ANKMY1: variants seen among roughly 807,000 people sequenced by gnomAD.
ANKMY1 encodes the protein ankyrin repeat and MYND domain containing 1.
In ANKMY1, 98 loss-of-function variants were observed where a neutral mutation model predicts 102.0. That is an observed-to-expected ratio of 0.96 (90% CI 0.82 to 1.14). The LOEUF (loss-of-function observed/expected upper bound fraction) is 1.14, where lower values mean the gene tolerates loss of function less well. Ranked by LOEUF, ANKMY1 falls within the 50% of genes most tolerant of loss-of-function variation. ANKMY1 has a pLI of 0.00. For missense variants in ANKMY1, 1,330 were observed against 1,347.6 expected (o/e 0.99, Z 0.20); for synonymous variants, 582 against 559.9 (o/e 1.04, Z -0.56).
intron 13 of ANKMY1, among the ~76,000 whole-genome samples, chr2:240,502,373 C>G (rs1368492448): frequency 1.3e-5 from 2 of 151,978 alleles, no homozygotes; most frequent in African/African-American, 4.8e-5. Context: ...CCCCTCTGGC[C>G]CAACATCTCA....
chr2:240,475,042 C>T (rs1477089030), downstream of ANKMY1, among the ~76,000 whole-genome samples: 1 of 152,232 alleles, frequency 6.6e-6, no homozygotes, highest in Non-Finnish European at 1.5e-5. Flanking sequence ...TTCCCACCAG[C>T]AATGCATATG....
chr2:240,483,157 G>A (rs57252831), intron 15 of ANKMY1, among the ~76,000 whole-genome samples: 10,941 of 151,644 alleles, frequency 0.072, 481 homozygotes, highest in South Asian at 0.15. Flanking sequence ...TTGTATCATC[G>A]AATTTTTTTT....
At chr2:240,536,316 A>G (rs1022794359) in intron 4 of ANKMY1, among the ~76,000 whole-genome samples, 1 of 152,196 alleles carries the variant, frequency 6.6e-6, no homozygotes, top group Non-Finnish European at 1.5e-5. Context: ...GATGAACTGG[A>G]TAAGAAAATA....
intron 12 of ANKMY1, among the ~76,000 whole-genome samples, chr2:240,508,957 C>T (rs2079587045): frequency 6.6e-6 from 1 of 151,198 alleles, no homozygotes; most frequent in African/African-American, 2.4e-5. Flanking sequence ...TGGGTTGATA[C>T]ATGAGTGACT....
upstream of ANKMY1, chr2:240,558,553 C>CA (rs1157935769): frequency 6.6e-6 from 1 of 152,304 alleles, no homozygotes; most frequent in Non-Finnish European, 1.5e-5. Flanking sequence ...CTCCAGGCTA[C>CA]AGAGCGCATT....
chr2:240,474,077 T>C, the ANKMY1 span, among the ~76,000 whole-genome samples: 1 of 146,116 alleles, frequency 6.8e-6, no homozygotes, highest in African/African-American at 2.6e-5. Context: ...TTAAACTGTC[T>C]CTGTTTGCCA....
Position 240,506,041 on chromosome 2 carries a change from GCCT to G in ANKMY1, c.2526+1516_2526+1518del, listed in dbSNP as rs1479349031. Among the ~76,000 whole-genome samples the G allele has an allele frequency of 6.6e-6, 1 of 151,980 alleles. No individual in the cohort carries two copies. Among genetic ancestry groups the G allele is most frequent in the Non-Finnish European group, 1.5e-5 (1 of 67,966 alleles). ...CTAACCCCGGATGAGGCACCGGGGA[GCCT>G]CCTAACCCCGGACAAGATGCTGGGG... is the stretch of plus-strand genomic sequence containing the variant. On this transcript the variant is annotated intron_variant, in intron 13 of 17. Transcript: ENST00000401804. This position sits in a 1 kb window ranked among gnomAD's most constrained non-coding sequence, Gnocchi z 4.9.
rs1432449103 is a variant in ANKMY1, at chr2:240,509,469, A to C, written c.2287-14T>G. On this transcript the variant is annotated splice_polypyrimidine_tract_variant and intron_variant, in intron 11 of 17. Transcript: ENST00000401804. ...GTCCCTGGCACACTGGGTGGGGAGAAATGACAGGTTAGAGAGGCACCCCCA... is the reference window on the plus strand; with the variant it reads ...GTCCCTGGCACACTGGGTGGGGAGACATGACAGGTTAGAGAGGCACCCCCA... 6.3e-7 allele frequency: 1 copy of C among 1,595,338 alleles called. No individual in the cohort carries two copies. Among genetic ancestry groups the C allele is most frequent in the Non-Finnish European group, 8.6e-7 (1 of 1,166,562 alleles).
At chr2:240,536,748 G>C (rs1559353790) in intron 4 of ANKMY1, among the ~76,000 whole-genome samples, 1 of 152,198 alleles carries the variant, frequency 6.6e-6, no homozygotes, top group Non-Finnish European at 1.5e-5. Flanking sequence ...GTCTTATAGA[G>C]GTGGATCAGG....
rs531750791 is a variant in ANKMY1, at chr2:240,538,501, C to T, written c.481-8992G>A. Among the ~76,000 whole-genome samples the T allele has an allele frequency of 3.3e-5, 5 of 152,282 alleles. No homozygotes were observed. The South Asian group carries it at 8.3e-4, about 25-fold the overall frequency. ...CGCTGCACTCAAATTCTCGTGGGGA[C>T]TCAGCTGCCTCCCCACGGGGCAGGG... On this transcript the variant is annotated intron_variant, in intron 4 of 17. Coordinates refer to ENST00000401804, the MANE Select transcript of ANKMY1 (RefSeq NM_001282771.3).
rs190668138 is a variant in ANKMY1, at chr2:240,555,322, G to A, written c.147-267C>T. 497 of 485,582 alleles carry A rather than the reference G, an allele frequency of 1.0e-3. 3 individuals are homozygous for A. Among genetic ancestry groups the A allele is most frequent in the African/African-American group, 8.3e-3 (435 of 52,104 alleles). 30.1% of individuals were successfully genotyped at this position (485,582 alleles called of 1,614,324 possible). ...CCAGGCTCTAGAGGCAGGACCAGTC[G>A]GCCTGTCCAGCCCGGGCCTGCTGGC... On this transcript the variant is annotated intron_variant, in intron 2 of 17. Transcript: ENST00000401804.
intron 4 of ANKMY1, among the ~76,000 whole-genome samples, chr2:240,542,582 T>C (rs114218044): frequency 0.032 from 4,925 of 152,150 alleles, 110 homozygotes; most frequent in Middle Eastern, 0.13. Flanking sequence ...GGATTACCTA[T>C]TGAGGCTAAT....
At chr2:240,470,623 A>G in the ANKMY1 span, among the ~76,000 whole-genome samples, 1 of 152,230 alleles carries the variant, frequency 6.6e-6, no homozygotes, top group Non-Finnish European at 1.5e-5. Context: ...AAAAAGAGCC[A>G]GTAAAAAACT....
Position 240,524,025 on chromosome 2 carries a change from G to GCA in ANKMY1, c.1690_1691dup (p.Asp565AlafsTer22), listed in dbSNP as rs2082850277. 6.2e-7 allele frequency: 1 copy of GCA among 1,613,770 alleles called. No individual in the cohort carries two copies. The highest frequency in any genetic ancestry group is 1.3e-5 in the African/African-American group (1 of 74,930). ...CCTGCGAGAGCTCGATGGAGAAGTC[G>GCA]CACACACACACGTTGGACTCAAATT... is the stretch of plus-strand genomic sequence containing the variant. On this transcript the variant is annotated frameshift_variant, in exon 8 of 18. Coordinates refer to ENST00000401804, the MANE Select transcript of ANKMY1 (RefSeq NM_001282771.3). LOFTEE classifies it high-confidence loss of function.
the ANKMY1 span, among the ~76,000 whole-genome samples, chr2:240,473,130 A>AC: frequency 3.3e-5 from 5 of 150,652 alleles, no homozygotes; most frequent in Non-Finnish European, 5.9e-5. Context: ...GTCTAAAAAA[A>AC]AAAAAAAAAC....
chr2:240,480,414 AAGG>A (rs1226440936), intron 17 of ANKMY1, among the ~76,000 whole-genome samples: 1 of 152,200 alleles, frequency 6.6e-6, no homozygotes, highest in African/African-American at 2.4e-5. Flanking sequence ...TGTTCACACC[AAGG>A]AGGTGAGGAG....
intron 9 of ANKMY1, among the ~76,000 whole-genome samples, chr2:240,514,452 TAAGTCCCAC>T (rs2080827219): frequency 6.6e-6 from 1 of 152,150 alleles, no homozygotes. Context: ...CACTTCTCAT[TAAGTCCCAC>T]GAGTCCCAGA....
chr2:240,523,824 G>A, intron 8 of ANKMY1, 61 bp downstream of exon 8: 3 of 1,570,836 alleles, frequency 1.9e-6, no homozygotes, highest in Non-Finnish European at 2.6e-6. Flanking sequence ...TGGGTCTGCT[G>A]AGCATAGGAT....
chr2:240,557,155 A>G, intron 2 of ANKMY1, 35 bp downstream of exon 2: 5 of 1,420,132 alleles, frequency 3.5e-6, no homozygotes, highest in Non-Finnish European at 3.7e-6. Context: ...GCCCCAGGTC[A>G]GGGTCGGACC....
Sources: allele counts gnomAD v4.1 joint callset (sites outside exome capture counted in the v4.1 genomes callset), GRCh38; gene constraint gnomAD v4.1.1; non-coding constraint Gnocchi (gnomAD v3.1); transcripts MANE v1.5; gene names NCBI Gene and HGNC (gene_info 2026-07-23, HGNC 2026-07-21).